ZC3H7A: variants seen among roughly 807,000 people sequenced by gnomAD.
The protein encoded by ZC3H7A is zinc finger CCCH domain-containing protein 7A.
A neutral mutation model predicts 125.5 loss-of-function variants in ZC3H7A; 44 were observed. The observed-to-expected ratio is 0.35, with a 90% CI of 0.28 to 0.45. The LOEUF (loss-of-function observed/expected upper bound fraction) is 0.45, where lower values mean the gene tolerates loss of function less well. Among genes scored for constraint, ZC3H7A ranks in the 20% least tolerant of loss-of-function variants. The pLI, the probability that ZC3H7A is intolerant of heterozygous loss-of-function variation, is 1.00. For synonymous variants in ZC3H7A, 399 were observed against 391.2 expected (o/e 1.02, Z -0.23); for missense variants, 977 against 1,170.7 (o/e 0.83, Z 2.41).
At chr16:11,777,002 T>C (rs1454731373) in intron 4 of ZC3H7A, 93 bp from the exon 5 acceptor site, 1 of 1,024,174 alleles carries the variant, frequency 9.8e-7, no homozygotes, top group East Asian at 2.8e-5. Flanking sequence ...TAATACCCCA[T>C]CCTATTACCC....
intron 1 of ZC3H7A, chr16:11,782,598 A>ATT: frequency 8.7e-6 from 2 of 229,526 alleles, no homozygotes; most frequent in Non-Finnish European, 1.6e-5. Flanking sequence ...CCGTTTTCAT[A>ATT]TTCTTTTTTT....
intron 15 of ZC3H7A, among the ~76,000 whole-genome samples, chr16:11,764,324 G>T (rs2052815727): frequency 6.6e-6 from 1 of 152,092 alleles, no homozygotes; most frequent in African/African-American, 2.4e-5. Context: ...CAAGGCGGGT[G>T]GATCACTTGA....
At position 11,752,186 on chromosome 16, in the gene ZC3H7A, G is replaced by A. The variant is rs778529252; in HGVS notation, c.2726+483C>T. On this transcript the variant is annotated intron_variant, in intron 22 of 22. Coordinates refer to ENST00000355758, the MANE Select transcript of ZC3H7A (RefSeq NM_014153.4). ...CTCCCAAAGTGCTGGGATTACAGGC[G>A]TAGCCACCATGCCCGGCTGCGTTGA... Among the ~76,000 whole-genome samples the A allele has an allele frequency of 5.5e-4, 83 of 152,274 alleles. 1 individual carries two copies. Among genetic ancestry groups the A allele is most frequent in the Non-Finnish European group, 9.3e-4 (63 of 68,022 alleles).
chr16:11,789,908 C>T (rs2053321309), intron 1 of ZC3H7A, among the ~76,000 whole-genome samples: 1 of 151,598 alleles, frequency 6.6e-6, no homozygotes, highest in Admixed American at 6.6e-5. Flanking sequence ...TGGTGAAACC[C>T]CATCTCTACT....
At chr16:11,773,548 G>A (rs1034525203) in intron 9 of ZC3H7A, among the ~76,000 whole-genome samples, 1 of 151,842 alleles carries the variant, frequency 6.6e-6, no homozygotes, top group East Asian at 1.9e-4. Context: ...GCTGAACCCC[G>A]CTTTAAAGTA....
chr16:11,763,153 A>G (rs2052780891), intron 16 of ZC3H7A: 1 of 248,820 alleles, frequency 4.0e-6, no homozygotes, highest in Non-Finnish European at 7.7e-6. Flanking sequence ...TATCACCCAG[A>G]CTGGAGCGTA....
rs563034475 is a variant in ZC3H7A, at chr16:11,795,011, A to AAC, written c.-35+2111_-35+2112dup. 2.0e-4 allele frequency among the ~76,000 whole-genome samples: 31 copies of AAC among 152,210 alleles called. No individual in the cohort carries two copies. In the South Asian group the frequency reaches 5.8e-3, roughly 29 times the overall value. On this transcript the variant is annotated intron_variant, in intron 1 of 22. Coordinates refer to ENST00000355758, the MANE Select transcript of ZC3H7A (RefSeq NM_014153.4). ...AAATCAACGGGCTCTTTGTAGAATA[A>AAC]ACACACACACACAAACACACACGCA... is the stretch of plus-strand genomic sequence containing the variant.
intron 1 of ZC3H7A, among the ~76,000 whole-genome samples, chr16:11,785,089 C>T (rs959721798): frequency 2.0e-5 from 3 of 152,026 alleles, no homozygotes; most frequent in Admixed American, 1.3e-4. Context: ...ACCCGGGAGG[C>T]GGAGGTTGCA....
intron 1 of ZC3H7A, among the ~76,000 whole-genome samples, chr16:11,792,319 G>A (rs1290900448): frequency 6.6e-6 from 1 of 152,182 alleles, no homozygotes; most frequent in Non-Finnish European, 1.5e-5. Context: ...GGGATCAGCT[G>A]ATTTAAAATT....
In ZC3H7A at chr16:11,765,503, T is replaced by C; in HGVS notation, c.1705A>G (p.Ile569Val). ...KLLQEHLGEF[I>V]FLCEKCFDHK... Reference sequence around the variant, plus strand: ...GGAGAACACACCTCACAAAGGAATATAAATTCCCCAAGATGCTCCTGGAGA... The same window carrying C: ...GGAGAACACACCTCACAAAGGAATACAAATTCCCCAAGATGCTCCTGGAGA... The change falls in exon 14 of 23, where the codon ATA becomes GTA. Residue 569 changes from isoleucine to valine, a missense_variant. Physicochemically the swap from Ile to Val is conservative, Grantham distance 29. Around this residue, in one of 3 missense-constraint regions of ZC3H7A, gnomAD observed 436 missense variants for 603.2 expected, o/e 0.72. Coordinates refer to ENST00000355758, the MANE Select transcript of ZC3H7A (RefSeq NM_014153.4). This position sits in a 1 kb window ranked among gnomAD's most constrained non-coding sequence, Gnocchi z 4.8. The C allele has an allele frequency of 1.2e-6, 2 of 1,613,086 alleles. No homozygotes were observed. Among genetic ancestry groups the C allele is most frequent in the Non-Finnish European group, 1.7e-6 (2 of 1,179,442 alleles).
intron 3 of ZC3H7A, among the ~76,000 whole-genome samples, chr16:11,779,911 G>A (rs376659255): frequency 2.0e-5 from 3 of 151,572 alleles, no homozygotes; most frequent in African/African-American, 7.3e-5. Context: ...GTATGTGCAT[G>A]TCTTTACCAG....
At chr16:11,756,442 T>A in intron 20 of ZC3H7A, 72 bp from the exon 21 acceptor site, 2 of 1,561,942 alleles carry the variant, frequency 1.3e-6, no homozygotes, top group South Asian at 2.4e-5. Context: ...ATGTGCATAT[T>A]TTGTAGCAGT....
intron 4 of ZC3H7A, 102 bp downstream of exon 4, chr16:11,779,064 G>T (rs569465334): frequency 9.6e-7 from 1 of 1,036,772 alleles, no homozygotes; most frequent in Non-Finnish European, 1.4e-6. Context: ...CAGGTAATAT[G>T]ACTTTCTTAA....
intron 22 of ZC3H7A, among the ~76,000 whole-genome samples, chr16:11,752,389 G>C (rs1484035367): frequency 6.6e-6 from 1 of 152,160 alleles, no homozygotes; most frequent in East Asian, 1.9e-4. Flanking sequence ...AGGTCATTTG[G>C]GCAAATTGGA....
chr16:11,789,529 C>T (rs372618174), intron 1 of ZC3H7A, among the ~76,000 whole-genome samples: 7 of 152,228 alleles, frequency 4.6e-5, no homozygotes, highest in African/African-American at 1.7e-4. Context: ...GCTGGAATAA[C>T]AGGCATGAGC....
chr16:11,792,002 C>G (rs2053362504), intron 1 of ZC3H7A, among the ~76,000 whole-genome samples: 1 of 152,130 alleles, frequency 6.6e-6, no homozygotes, highest in Admixed American at 6.6e-5. Context: ...GCCTCAACCT[C>G]CAGAGCTCAA....
intron 3 of ZC3H7A, among the ~76,000 whole-genome samples, chr16:11,780,331 G>A (rs2053155086): frequency 6.6e-6 from 1 of 151,916 alleles, no homozygotes; most frequent in Admixed American, 6.6e-5. Flanking sequence ...ATGTTGCCCA[G>A]GCTGGTCTCA....
At chr16:11,772,786 T>C (rs1471424020) in intron 9 of ZC3H7A, among the ~76,000 whole-genome samples, 2 of 150,178 alleles carry the variant, frequency 1.3e-5, no homozygotes, top group Non-Finnish European at 3.0e-5. Context: ...AATCTCCACC[T>C]CCCGGGCTCA....
chr16:11,774,682 G>A (rs2053049742), intron 8 of ZC3H7A, among the ~76,000 whole-genome samples, 163 bp from the exon 9 acceptor site: 1 of 152,208 alleles, frequency 6.6e-6, no homozygotes, highest in South Asian at 2.1e-4. Flanking sequence ...ACAGTCACGT[G>A]TGAAAACTTA....
Sources: allele counts gnomAD v4.1 joint callset (sites outside exome capture counted in the v4.1 genomes callset), GRCh38; gene constraint gnomAD v4.1.1; regional missense constraint gnomAD v4.1.1; non-coding constraint Gnocchi (gnomAD v3.1); transcripts MANE v1.5; gene names NCBI Gene and HGNC (gene_info 2026-07-23, HGNC 2026-07-21).